The following NKX2-4 variants were observed in gnomAD, a reference collection of about 807,000 sequenced individuals.
NKX2-4 encodes NK2 homeobox 4.
NKX2-4 carries 6 observed loss-of-function variants against 8.6 expected under a neutral mutation model. That is an observed-to-expected ratio of 0.70 (90% CI 0.38 to 1.38). The LOEUF (loss-of-function observed/expected upper bound fraction) is 1.38, where lower values mean the gene tolerates loss of function less well. NKX2-4 is among the 40% of genes most tolerant of loss of function. The pLI is 0.02. For synonymous variants in NKX2-4, 299 were observed against 272.6 expected (o/e 1.10, Z -0.95); for missense variants, 601 against 548.4 (o/e 1.10, Z -0.96).
At chr20:21,396,815 G>T in intron 1 of NKX2-4, 143 bp downstream of exon 1, 1 of 707,634 alleles carries the variant, frequency 1.4e-6, no homozygotes, top group Non-Finnish European at 1.9e-6. Flanking sequence ...CGCGTCCCGG[G>T]CCGCGTCCCA....
Position 21,396,418 on chromosome 20 carries a change from G to A in NKX2-4, c.558C>T (p.Ala186=). 6.5e-7 allele frequency: 1 copy of A among 1,528,036 alleles called. No homozygotes were observed. The allele number at this position is 1,528,036 out of a possible 1,614,324, so 94.7% of individuals were successfully genotyped here. The change falls in exon 2 of 2, where the codon GCC becomes GCT. Residue 186 remains alanine, a synonymous_variant. Transcript: ENST00000351817. The part of the protein sequence containing the change: ...LGPLHAAAAA[A]APRRKRRVLF... ...GCACGCGGCGCTTCCTTCGCGGAGC[G>A]GCTGCCGCCGCCGCCGCGTGCAGCG...
At position 21,396,974 on chromosome 20, in the gene NKX2-4, G is replaced by C; in HGVS notation, c.426C>G (p.Asp142Glu). ...AATGWYGANP[D>E]PRYSSISRFM... is the part of the protein sequence containing the mutation. ...CCCTCTCACTTGACGAGTAGCGTGG[G>C]TCCGGGTTGGCGCCGTACCAGCCGG... is the stretch of plus-strand genomic sequence containing the variant. Residue 142 changes from aspartate to glutamate, a missense_variant, in exon 1 of 2, where the codon GAC becomes GAG. Asp to Glu is a conservative substitution (Grantham distance 45, BLOSUM62 2). Transcript: ENST00000351817. 1 of 1,470,072 alleles carries C rather than the reference G, an allele frequency of 6.8e-7. No individual in the cohort carries two copies. Among genetic ancestry groups the C allele is most frequent in the African/African-American group, 1.5e-5 (1 of 68,768 alleles). 91.1% of individuals were successfully genotyped at this position (1,470,072 alleles called of 1,614,324 possible). A position where few individuals can be genotyped will look rare whatever the true frequency, so the allele number is the denominator to read the frequency against.
chr20:21,397,235 G>C lies in NKX2-4; in HGVS notation c.165C>G (p.Pro55=). Residue 55 remains proline, a synonymous_variant, in exon 1 of 2, where the codon CCC becomes CCG. Transcript: ENST00000351817. ...AAAYRAPPPG[P]SSQAATVAGM... is the part of the protein sequence containing the mutation. ...CCGCCACGGTCGCCGCCTGCGAGGAGGGCCCAGGTGGCGGCGCGCGGTAGG... is the reference window on the plus strand; with the variant it reads ...CCGCCACGGTCGCCGCCTGCGAGGACGGCCCAGGTGGCGGCGCGCGGTAGG... The C allele has an allele frequency of 8.1e-7, 1 of 1,233,688 alleles. No homozygotes were observed. The highest frequency in any genetic ancestry group is 1.0e-6 in the Non-Finnish European group (1 of 993,414). The allele number at this position is 1,233,688 out of a possible 1,614,324, so 76.4% of individuals were successfully genotyped here. A position where few individuals can be genotyped will look rare whatever the true frequency, so the allele number is the denominator to read the frequency against.
chr20:21,396,067 C>A lies in NKX2-4; in HGVS notation c.909G>T (p.Pro303=), dbSNP rs1184123966. Residue 303 remains proline, a synonymous_variant, in exon 2 of 2, where the codon CCG becomes CCT. Coordinates refer to ENST00000351817, the MANE Select transcript of NKX2-4 (RefSeq NM_033176.2). The part of the protein sequence containing the change: ...TPTPGQAGPQ[P]PAPTPAPELE... ...GCTCAGGTGCTGGCGTCGGGGCCGG[C>A]GGCTGCGGACCGGCCTGGCCGGGGG... is the stretch of plus-strand genomic sequence containing the variant. 2 of 1,274,018 alleles carry A rather than the reference C, an allele frequency of 1.6e-6. No homozygotes were observed. Among genetic ancestry groups the A allele is most frequent in the Admixed American group, 4.1e-5 (1 of 24,128 alleles). The allele number at this position is 1,274,018 out of a possible 1,614,324, so 78.9% of individuals were successfully genotyped here.
At position 21,395,965 on chromosome 20, in the gene NKX2-4, C is replaced by T. The variant is rs577220230; in HGVS notation, c.1011G>A (p.Gly337=). Residue 337 remains glycine, a synonymous_variant, in exon 2 of 2, where the codon GGG becomes GGA. Transcript: ENST00000351817. ...GGLAALDAAA[G]EYSGGVLGAN... ...CGCCCAGGACGCCGCCGCTGTACTCCCCGGCGGCCGCGTCCAGGGCCGCCA... is the reference window on the plus strand; with the variant it reads ...CGCCCAGGACGCCGCCGCTGTACTCTCCGGCGGCCGCGTCCAGGGCCGCCA... 3.0e-6 allele frequency: 4 copies of T among 1,322,816 alleles called. No individual in the cohort carries two copies. Among genetic ancestry groups the T allele is most frequent in the African/African-American group, 1.5e-5 (1 of 66,482 alleles). The allele number at this position is 1,322,816 out of a possible 1,614,324, so 81.9% of individuals were successfully genotyped here.
chr20:21,397,226 C>A lies in NKX2-4; in HGVS notation c.174G>T (p.Gln58His). The change falls in exon 1 of 2, where the codon CAG becomes CAT. Residue 58 changes from glutamine to histidine, a missense_variant. Physicochemically the swap from Gln to His is conservative, Grantham distance 24. Transcript: ENST00000351817. ...YRAPPPGPSS[Q>H]AATVAGMQPS... ...GCTGCATGCCCGCCACGGTCGCCGCCTGCGAGGAGGGCCCAGGTGGCGGCG... is the reference window on the plus strand; with the variant it reads ...GCTGCATGCCCGCCACGGTCGCCGCATGCGAGGAGGGCCCAGGTGGCGGCG... 1 of 1,239,440 alleles carries A rather than the reference C, an allele frequency of 8.1e-7. No homozygotes were observed. The highest frequency in any genetic ancestry group is 1.0e-6 in the Non-Finnish European group (1 of 996,798). The allele number at this position is 1,239,440 out of a possible 1,614,324, so 76.8% of individuals were successfully genotyped here.
In NKX2-4 at chr20:21,397,020, C is replaced by T; in HGVS notation, c.380G>A (p.Gly127Asp). 2 of 1,468,896 alleles carry T rather than the reference C, an allele frequency of 1.4e-6. No homozygotes were observed. The highest frequency in any genetic ancestry group is 1.5e-5 in the African/African-American group (1 of 68,938). 91.0% of individuals were successfully genotyped at this position (1,468,896 alleles called of 1,614,324 possible). A position where few individuals can be genotyped will look rare whatever the true frequency, so the allele number is the denominator to read the frequency against. ...NMGELPAYTDGMRGGAATGWY... is the reference protein window; with the variant it reads ...NMGELPAYTDDMRGGAATGWY... ...GCCGGTGGCCGCGCCGCCCCGCATG[C>T]CGTCCGTGTAGGCGGGCAGCTCGCC... Residue 127 changes from glycine to aspartate, a missense_variant, in exon 1 of 2, where the codon GGC (glycine) becomes GAC (aspartate). Gly to Asp is a moderately conservative substitution (Grantham distance 94). Coordinates refer to ENST00000351817, the MANE Select transcript of NKX2-4 (RefSeq NM_033176.2).
At position 21,396,434 on chromosome 20, in the gene NKX2-4, G is replaced by T; in HGVS notation, c.542C>A (p.Ala181Glu). The T allele has an allele frequency of 6.6e-7, 1 of 1,515,866 alleles. No homozygotes were observed. Among genetic ancestry groups the T allele is most frequent in the Non-Finnish European group, 8.8e-7 (1 of 1,140,184 alleles). 93.9% of individuals were successfully genotyped at this position (1,515,866 alleles called of 1,614,324 possible). ...TCGCGGAGCGGCTGCCGCCGCCGCC[G>T]CGTGCAGCGGGCCCAGCGACTTGGC... ...DAAKSLGPLH[A>E]AAAAAAPRRK... Residue 181 changes from alanine to glutamate, a missense_variant, in exon 2 of 2, where the codon GCG (alanine) becomes GAG (glutamate). Coordinates refer to ENST00000351817, the MANE Select transcript of NKX2-4 (RefSeq NM_033176.2).
At position 21,396,059 on chromosome 20, in the gene NKX2-4, G is replaced by T. The variant is rs1025853564; in HGVS notation, c.917C>A (p.Pro306Gln). ...PGQAGPQPPA[P>Q]TPAPELEELS... ...CTCCTCCAGCTCAGGTGCTGGCGTC[G>T]GGGCCGGCGGCTGCGGACCGGCCTG... The change falls in exon 2 of 2, where the codon CCG (proline) becomes CAG (glutamine). Residue 306 changes from proline to glutamine, a missense_variant. By Grantham distance (76) the Pro-to-Gln change is moderately conservative. Transcript: ENST00000351817. 4.7e-6 allele frequency: 6 copies of T among 1,269,096 alleles called. No homozygotes were observed. The African/African-American group carries it at 9.4e-5, about 20-fold the overall frequency. 78.6% of individuals were successfully genotyped at this position (1,269,096 alleles called of 1,614,324 possible).
Position 21,395,730 on chromosome 20 carries a change from G to T in NKX2-4, c.*181C>A. The T allele has an allele frequency of 2.3e-6, 1 of 426,266 alleles. No individual in the cohort carries two copies. The allele number at this position is 426,266 out of a possible 1,614,324, so 26.4% of individuals were successfully genotyped here. ...ATAATGTTACACTACTCGGTTTCCG[G>T]GCTGTCGCTGTCCCCCGCCCCCAGC... On this transcript the variant is annotated 3_prime_UTR_variant, in exon 2 of 2. Coordinates refer to ENST00000351817, the MANE Select transcript of NKX2-4 (RefSeq NM_033176.2).
chr20:21,395,743 C>G lies in NKX2-4; in HGVS notation c.*168G>C. On this transcript the variant is annotated 3_prime_UTR_variant, in exon 2 of 2. Coordinates refer to ENST00000351817, the MANE Select transcript of NKX2-4 (RefSeq NM_033176.2). ...ACTCGGTTTCCGGGCTGTCGCTGTC[C>G]CCCGCCCCCAGCAAGAGGTTCACAG... 1 of 492,860 alleles carries G rather than the reference C, an allele frequency of 2.0e-6. No individual in the cohort carries two copies. Among genetic ancestry groups the G allele is most frequent in the Non-Finnish European group, 3.2e-6 (1 of 312,440 alleles). 30.5% of individuals were successfully genotyped at this position (492,860 alleles called of 1,614,324 possible).
At chr20:21,396,588 G>T in intron 1 of NKX2-4, 55 bp from the exon 2 acceptor site, 5 of 1,320,586 alleles carry the variant, frequency 3.8e-6, no homozygotes, top group Non-Finnish European at 4.9e-6. Context: ...GCCGGGAGCC[G>T]GTCCAGCCGC....
chr20:21,396,173 G>C lies in NKX2-4; in HGVS notation c.803C>G (p.Pro268Arg). Reference protein sequence around the residue: ...QEGGLGPPPPPPPSPRRVAVP... With the variant: ...QEGGLGPPPPRPPSPRRVAVP... ...CGCCACGCGGCGCGGGGACGGCGGC[G>C]GAGGCGGCGGCGGGCCCAGGCCGCC... Residue 268 changes from proline to arginine, a missense_variant, in exon 2 of 2, where the codon CCG becomes CGG. Physicochemically the swap from Pro to Arg is moderately radical, Grantham distance 103 (BLOSUM62 -2). Coordinates refer to ENST00000351817, the MANE Select transcript of NKX2-4 (RefSeq NM_033176.2). The C allele has an allele frequency of 6.7e-7, 1 of 1,498,268 alleles. No homozygotes were observed. The highest frequency in any genetic ancestry group is 8.9e-7 in the Non-Finnish European group (1 of 1,128,192). The allele number at this position is 1,498,268 out of a possible 1,614,324, so 92.8% of individuals were successfully genotyped here.
Position 21,395,970 on chromosome 20 carries a change from C to G in NKX2-4, c.1006G>C (p.Ala336Pro), listed in dbSNP as rs112136447. Residue 336 changes from alanine to proline, a missense_variant, in exon 2 of 2, where the codon GCC becomes CCC. Coordinates refer to ENST00000351817, the MANE Select transcript of NKX2-4 (RefSeq NM_033176.2). ...AGGACGCCGCCGCTGTACTCCCCGG[C>G]GGCCGCGTCCAGGGCCGCCAGGCCG... ...GGGLAALDAA[A>P]GEYSGGVLGA... 1 of 1,316,418 alleles carries G rather than the reference C, an allele frequency of 7.6e-7. No homozygotes were observed. Among genetic ancestry groups the G allele is most frequent in the Non-Finnish European group, 9.7e-7 (1 of 1,033,012 alleles). 81.5% of individuals were successfully genotyped at this position (1,316,418 alleles called of 1,614,324 possible). A position where few individuals can be genotyped will look rare whatever the true frequency, so the allele number is the denominator to read the frequency against.
In NKX2-4 at chr20:21,397,289, G is replaced by T; in HGVS notation, c.111C>A (p.Gly37=). 1.5e-6 allele frequency: 2 copies of T among 1,293,558 alleles called. 1 individual carries two copies. Among genetic ancestry groups the T allele is most frequent in the South Asian group, 5.1e-5 (2 of 39,020 alleles). 80.1% of individuals were successfully genotyped at this position (1,293,558 alleles called of 1,614,324 possible). A position where few individuals can be genotyped will look rare whatever the true frequency, so the allele number is the denominator to read the frequency against. Residue 37 remains glycine, a synonymous_variant, in exon 1 of 2, where the codon GGC becomes GGA. Coordinates refer to ENST00000351817, the MANE Select transcript of NKX2-4 (RefSeq NM_033176.2). ...FSGAMDGAPP[G]LGAPLGAAAA... ...CCGCGGCCCCCAGGGGCGCCCCCAG[G>T]CCGGGTGGCGCGCCGTCCATGGCGC... is the stretch of plus-strand genomic sequence containing the variant.
At position 21,396,474 on chromosome 20, in the gene NKX2-4, C is replaced by T. The variant is rs759268126; in HGVS notation, c.502G>A (p.Gly168Ser). 3 of 1,478,738 alleles carry T rather than the reference C, an allele frequency of 2.0e-6. No homozygotes were observed. Among genetic ancestry groups the T allele is most frequent in the Non-Finnish European group, 2.7e-6 (3 of 1,128,010 alleles). 91.6% of individuals were successfully genotyped at this position (1,478,738 alleles called of 1,614,324 possible). ...AGCGACTTGGCGGCGTCCGCGATGC[C>T]GGTCAGCGACCCCATGCCGGCCACA... ...VNVAGMGSLT[G>S]IADAAKSLGP... Residue 168 changes from glycine to serine, a missense_variant, in exon 2 of 2, where the codon GGC becomes AGC. Transcript: ENST00000351817.
chr20:21,396,832 C>T (rs1433028032), intron 1 of NKX2-4, 126 bp downstream of exon 1: 1 of 864,348 alleles, frequency 1.2e-6, no homozygotes, highest in African/African-American at 1.8e-5. Context: ...CCCAGGACGC[C>T]CCGCGCGCCC....
At position 21,396,430 on chromosome 20, in the gene NKX2-4, C is replaced by G. The variant is rs757856518; in HGVS notation, c.546G>C (p.Ala182=). The change falls in exon 2 of 2, where the codon GCG becomes GCC. Residue 182 remains alanine, a synonymous_variant. Transcript: ENST00000351817. The part of the protein sequence containing the change: ...AAKSLGPLHA[A]AAAAAPRRKR... ...TCCTTCGCGGAGCGGCTGCCGCCGC[C>G]GCCGCGTGCAGCGGGCCCAGCGACT... 1.3e-6 allele frequency: 2 copies of G among 1,518,678 alleles called. No individual in the cohort carries two copies. Among genetic ancestry groups the G allele is most frequent in the East Asian group, 2.6e-5 (1 of 38,152 alleles). 94.1% of individuals were successfully genotyped at this position (1,518,678 alleles called of 1,614,324 possible).
In NKX2-4 at chr20:21,395,657, T is replaced by G; in HGVS notation, c.*254A>C. 6.4e-6 allele frequency: 2 copies of G among 313,578 alleles called. No homozygotes were observed. Among genetic ancestry groups the G allele is most frequent in the East Asian group, 5.1e-5 (1 of 19,570 alleles). The allele number at this position is 313,578 out of a possible 1,614,324, so 19.4% of individuals were successfully genotyped here. A position where few individuals can be genotyped will look rare whatever the true frequency, so the allele number is the denominator to read the frequency against. On this transcript the variant is annotated 3_prime_UTR_variant, in exon 2 of 2. Transcript: ENST00000351817. ...TGAACTTCTCCACCTTTTCGCGTCA[T>G]TTAAGAACTTCTAGGAGGAGAAAAT...
Sources: gnomAD v4.1 joint callset for allele counts on GRCh38, gnomAD v4.1.1 for gene constraint, MANE v1.5 for transcripts, NCBI Gene and HGNC (gene_info 2026-07-23, HGNC 2026-07-21) for gene names.